Variants in CDH18 observed in about 807,000 individuals in gnomAD.
CDH18 encodes cadherin-18.
A neutral mutation model predicts 67.9 loss-of-function variants in CDH18; 31 were observed. That is an observed-to-expected ratio of 0.46 (90% confidence interval 0.34 to 0.62). The LOEUF is 0.62. Ranked by LOEUF, CDH18 falls within the 20% of genes least tolerant of loss-of-function variation. CDH18 has a pLI of 0.01. For synonymous variants in CDH18, 362 were observed against 347.2 expected, an observed-to-expected ratio of 1.04 and a Z score of -0.48; for missense variants, 890 against 975.5, an observed-to-expected ratio of 0.91 and a Z score of 1.17.
At chr5:20,536,120 C>G (rs1756700246) in intron 1 of CDH18, among the ~76,000 whole-genome samples, 1 of 152,120 alleles carries the variant, frequency 6.6e-6, no homozygotes, top group Non-Finnish European at 1.5e-5. Flanking sequence ...TCTTTATGAG[C>G]ACAACCTGAA....
At chr5:19,639,099 C>T (rs1439314365) in intron 5 of CDH18, among the ~76,000 whole-genome samples, 2 of 149,010 alleles carry the variant, frequency 1.3e-5, no homozygotes, top group African/African-American at 4.9e-5. Flanking sequence ...GCCTCCTGGG[C>T]TCACGCCATT....
chr5:20,251,771 T>C (rs773366300), intron 2 of CDH18, among the ~76,000 whole-genome samples: 2 of 152,188 alleles, frequency 1.3e-5, no homozygotes, highest in South Asian at 4.1e-4. Flanking sequence ...AAAGGAAAGA[T>C]CCGTATTTCA....
chr5:19,577,594 C>T (rs1742525738), intron 7 of CDH18, among the ~76,000 whole-genome samples: 1 of 152,080 alleles, frequency 6.6e-6, no homozygotes, highest in Admixed American at 6.6e-5. Context: ...TCACCCACAC[C>T]TGATTAAGAT....
chr5:19,723,668 T>C (rs1228781821), intron 4 of CDH18, among the ~76,000 whole-genome samples: 1 of 152,166 alleles, frequency 6.6e-6, no homozygotes, highest in Non-Finnish European at 1.5e-5. Context: ...TAAACACACA[T>C]CTACCCAATA....
At chr5:19,621,611 C>A (rs766266847) in intron 5 of CDH18, among the ~76,000 whole-genome samples, 13 of 152,044 alleles carry the variant, frequency 8.6e-5, no homozygotes, top group Non-Finnish European at 1.9e-4. Flanking sequence ...TATGAGGAAT[C>A]TGAAAATGTC....
chr5:20,046,557 G>A (rs1740908962), intron 2 of CDH18, among the ~76,000 whole-genome samples: 1 of 150,668 alleles, frequency 6.6e-6, no homozygotes, highest in Admixed American at 6.6e-5. Context: ...GGCTGTACCA[G>A]GGCCAAGCAA....
intron 8 of CDH18, among the ~76,000 whole-genome samples, chr5:19,560,310 A>C (rs404576): frequency 0.056 from 8,597 of 152,234 alleles, 264 homozygotes; most frequent in African/African-American, 0.076. Flanking sequence ...TGGTATAAAA[A>C]ATAGGCACAT....
intron 1 of CDH18, among the ~76,000 whole-genome samples, chr5:20,502,777 C>T (rs544036474): frequency 5.3e-5 from 8 of 152,072 alleles, no homozygotes; most frequent in Admixed American, 5.2e-4. Flanking sequence ...TGACAAACTA[C>T]CAAAGAAAAG....
At chr5:19,776,072 C>A (rs1774329864) in intron 3 of CDH18, among the ~76,000 whole-genome samples, 1 of 151,820 alleles carries the variant, frequency 6.6e-6, no homozygotes, top group African/African-American at 2.4e-5. Flanking sequence ...TAACAAGATG[C>A]TCAAACAATA....
chr5:19,726,684 G>T (rs1766891689), intron 4 of CDH18, among the ~76,000 whole-genome samples: 1 of 152,228 alleles, frequency 6.6e-6, no homozygotes, highest in African/African-American at 2.4e-5. Context: ...TTGTTTATTT[G>T]AAATCTAGAT....
At chr5:19,979,480 C>T (rs576747976) in intron 2 of CDH18, among the ~76,000 whole-genome samples, 1 of 152,076 alleles carries the variant, frequency 6.6e-6, no homozygotes, top group East Asian at 1.9e-4. Context: ...AAGGTAAAAA[C>T]ATATGGTCTT....
At chr5:19,703,529 G>T (rs1763545570) in intron 5 of CDH18, among the ~76,000 whole-genome samples, 1 of 152,104 alleles carries the variant, frequency 6.6e-6, no homozygotes, top group East Asian at 1.9e-4. Flanking sequence ...TTATTTTGAA[G>T]AAAAAGGGTG....
At chr5:19,870,478 C>T (rs1289214231) in intron 2 of CDH18, among the ~76,000 whole-genome samples, 1 of 152,016 alleles carries the variant, frequency 6.6e-6, no homozygotes, top group Non-Finnish European at 1.5e-5. Context: ...TTAGCTATGA[C>T]TAATTTTGAT....
chr5:20,234,637 T>G (rs1742336720), intron 2 of CDH18, among the ~76,000 whole-genome samples: 1 of 152,134 alleles, frequency 6.6e-6, no homozygotes, highest in African/African-American at 2.4e-5. Context: ...AAATGTTTAT[T>G]GTTTAAGTCA....
chr5:20,470,117 C>A (rs898461395), intron 1 of CDH18, among the ~76,000 whole-genome samples: 1 of 152,140 alleles, frequency 6.6e-6, no homozygotes, highest in Non-Finnish European at 1.5e-5. Context: ...CTGTGATAAG[C>A]CCTCATGCCA....
At chr5:20,078,508 T>C (rs948379686) in intron 2 of CDH18, among the ~76,000 whole-genome samples, 1 of 151,792 alleles carries the variant, frequency 6.6e-6, no homozygotes, top group Admixed American at 6.6e-5. Context: ...TGTTCACATA[T>C]GAAGAACTTA....
intron 3 of CDH18, among the ~76,000 whole-genome samples, chr5:19,801,058 G>A (rs1777411482): frequency 6.6e-6 from 1 of 152,074 alleles, no homozygotes; most frequent in Admixed American, 6.5e-5. Context: ...GTTGCAGTGA[G>A]CTGAGATTGC....
At chr5:20,120,694 G>C (rs532392020) in intron 2 of CDH18, among the ~76,000 whole-genome samples, 1 of 152,196 alleles carries the variant, frequency 6.6e-6, no homozygotes, top group African/African-American at 2.4e-5. Context: ...TCACATTAGA[G>C]ATAATAGTCT....
At chr5:19,640,960 C>T (rs1254523802) in intron 5 of CDH18, among the ~76,000 whole-genome samples, 1 of 151,396 alleles carries the variant, frequency 6.6e-6, no homozygotes, top group Admixed American at 6.6e-5. Context: ...AGAAAGATGG[C>T]TCAAATAAAT....
Sources: allele counts gnomAD v4.1 joint callset (sites outside exome capture counted in the v4.1 genomes callset), GRCh38; gene constraint gnomAD v4.1.1; transcripts MANE v1.5; gene names NCBI Gene and HGNC (gene_info 2026-07-23, HGNC 2026-07-21).